The following CENPW variants were observed in gnomAD, a reference collection of about 807,000 sequenced individuals.
The protein encoded by CENPW is cancer-up-regulated gene 2 protein.
A neutral mutation model predicts 11.1 loss-of-function variants in CENPW; 3 were observed. That is an observed-to-expected ratio of 0.27 (90% CI 0.12 to 0.70). The LOEUF is 0.70. Ranked by LOEUF, CENPW falls within the 30% of genes least tolerant of loss-of-function variation. The probability of loss-of-function intolerance (pLI) is 0.77; values close to 1 mark genes in which losing one functional copy is unlikely to be tolerated. For missense variants in CENPW, 100 were observed against 105.6 expected (o/e 0.95, Z 0.23); for synonymous variants, 38 against 42.0 (o/e 0.91, Z 0.37).
chr6:126,452,856 A>G, the CENPW span, among the ~76,000 whole-genome samples: 4 of 151,136 alleles, frequency 2.6e-5, no homozygotes, highest in Non-Finnish European at 5.9e-5. Context: ...AAAGCTAAAG[A>G]CAAAGAAAAA....
At chr6:126,398,366 A>G in the CENPW span, among the ~76,000 whole-genome samples, 1 of 152,166 alleles carries the variant, frequency 6.6e-6, no homozygotes, top group Non-Finnish European at 1.5e-5. Context: ...AACACTATAA[A>G]TAAATAAAAT....
the CENPW span, among the ~76,000 whole-genome samples, chr6:126,427,180 C>G: frequency 6.6e-6 from 1 of 152,168 alleles, no homozygotes; most frequent in Non-Finnish European, 1.5e-5. Flanking sequence ...ATCGATTAAA[C>G]TGTCTCATTG....
the CENPW span, among the ~76,000 whole-genome samples, chr6:126,368,500 T>C: frequency 4.0e-5 from 6 of 150,138 alleles, no homozygotes; most frequent in African/African-American, 1.5e-4. Context: ...TACTTTTAGT[T>C]GTTTGGATAC....
chr6:126,403,507 A>G, the CENPW span, among the ~76,000 whole-genome samples: 875 of 152,248 alleles, frequency 5.7e-3, 7 homozygotes, highest in African/African-American at 0.02. Flanking sequence ...CATTCTCTTA[A>G]GCTAAAGCCC....
the CENPW span, among the ~76,000 whole-genome samples, chr6:126,468,882 C>A: frequency 6.6e-6 from 1 of 152,102 alleles, no homozygotes; most frequent in Non-Finnish European, 1.5e-5. Context: ...TGGCTCACTG[C>A]AACCTCCACC....
At chr6:126,355,753 A>G in the CENPW span, among the ~76,000 whole-genome samples, 38 of 152,116 alleles carry the variant, frequency 2.5e-4, no homozygotes, top group Non-Finnish European at 5.1e-4. Context: ...GTCTTAAATT[A>G]TATATTATTT....
chr6:126,404,008 G>T, the CENPW span, among the ~76,000 whole-genome samples: 1 of 151,854 alleles, frequency 6.6e-6, no homozygotes, highest in Admixed American at 6.6e-5. Context: ...AAAATCCTAG[G>T]GCCCTTAAGA....
the CENPW span, among the ~76,000 whole-genome samples, chr6:126,477,487 TAA>T: frequency 2.4e-3 from 369 of 152,076 alleles, no homozygotes; most frequent in African/African-American, 8.6e-3. Flanking sequence ...CAACCATTTT[TAA>T]GAGATCTCTG....
At chr6:126,429,399 G>T in the CENPW span, among the ~76,000 whole-genome samples, 1 of 152,104 alleles carries the variant, frequency 6.6e-6, no homozygotes, top group Non-Finnish European at 1.5e-5. Flanking sequence ...GGTCTTGGGG[G>T]TGGATTCCCC....
chr6:126,431,729 C>T, the CENPW span, among the ~76,000 whole-genome samples: 9 of 152,008 alleles, frequency 5.9e-5, no homozygotes, highest in Non-Finnish European at 1.0e-4. Flanking sequence ...TGTTTCATGC[C>T]GCAGCAACCT....
At chr6:126,399,018 A>G in the CENPW span, among the ~76,000 whole-genome samples, 90 of 152,070 alleles carry the variant, frequency 5.9e-4, 2 homozygotes, top group Non-Finnish European at 7.4e-5. Flanking sequence ...GTAGTATTCC[A>G]TTGTGTATTT....
At chr6:126,368,475 T>C in the CENPW span, among the ~76,000 whole-genome samples, 1 of 152,062 alleles carries the variant, frequency 6.6e-6, no homozygotes, top group Non-Finnish European at 1.5e-5. Flanking sequence ...AAAACTTTAA[T>C]GTATTGGATT....
At chr6:126,439,629 T>A in the CENPW span, among the ~76,000 whole-genome samples, 1 of 151,664 alleles carries the variant, frequency 6.6e-6, no homozygotes, top group East Asian at 1.9e-4. Context: ...TATTTGTACA[T>A]GAATGTTTGT....
chr6:126,365,165 C>T, the CENPW span, among the ~76,000 whole-genome samples: 1 of 152,086 alleles, frequency 6.6e-6, no homozygotes, highest in Non-Finnish European at 1.5e-5. Flanking sequence ...CCTGGCCTAA[C>T]TCTTACTTCA....
chr6:126,399,013 A>G, the CENPW span, among the ~76,000 whole-genome samples: 1 of 152,016 alleles, frequency 6.6e-6, no homozygotes, highest in African/African-American at 2.4e-5. Flanking sequence ...ACTGTGTAGT[A>G]TTCCATTGTG....
At chr6:126,369,497 T>C in the CENPW span, among the ~76,000 whole-genome samples, 3 of 152,220 alleles carry the variant, frequency 2.0e-5, no homozygotes, top group South Asian at 2.1e-4. Flanking sequence ...TGGAATCACA[T>C]TGTGGTTTTG....
At chr6:126,379,060 ATG>A in the CENPW span, among the ~76,000 whole-genome samples, 1 of 152,208 alleles carries the variant, frequency 6.6e-6, no homozygotes, top group Admixed American at 6.5e-5. Context: ...TAGTTACAAA[ATG>A]TGTGAACTCT....
At chr6:126,386,506 A>G in the CENPW span, among the ~76,000 whole-genome samples, 1 of 151,998 alleles carries the variant, frequency 6.6e-6, no homozygotes, top group Non-Finnish European at 1.5e-5. Flanking sequence ...TGCATTAGTC[A>G]ATTTTTATTG....
At chr6:126,433,760 C>T in the CENPW span, among the ~76,000 whole-genome samples, 2 of 151,976 alleles carry the variant, frequency 1.3e-5, no homozygotes, top group Non-Finnish European at 2.9e-5. Flanking sequence ...ATATTAATAG[C>T]AAGTTTTAGT....
Sources: allele counts gnomAD v4.1 joint callset (sites outside exome capture counted in the v4.1 genomes callset), GRCh38; gene constraint gnomAD v4.1.1; transcripts MANE v1.5; gene names NCBI Gene and HGNC (gene_info 2026-07-23, HGNC 2026-07-21).